The following HERC2 variants were observed in gnomAD, a reference collection of about 807,000 sequenced individuals.
HERC2 encodes HECT and RLD domain containing E3 ubiquitin protein ligase 2.
A neutral mutation model predicts 537.7 loss-of-function variants in HERC2; 102 were observed. The observed-to-expected ratio is 0.19, with a 90% CI of 0.16 to 0.22. The LOEUF (loss-of-function observed/expected upper bound fraction) is 0.22. HERC2 is among the 10% of genes least tolerant of loss of function. The probability of loss-of-function intolerance (pLI) is 1.00; values close to 1 mark genes in which losing one functional copy is unlikely to be tolerated. For synonymous variants in HERC2, 2,224 were observed against 2,466.2 expected, an observed-to-expected ratio of 0.90 and a Z score of 2.91; for missense variants, 4,236 against 6,198.2, an observed-to-expected ratio of 0.68 and a Z score of 10.63.
chr15:28,228,137 A>C, intron 35 of HERC2, 81 bp downstream of exon 35: 3 of 1,294,694 alleles, frequency 2.3e-6, no homozygotes, highest in Non-Finnish European at 3.2e-6. Context: ...TTTAAAAAAA[A>C]AAAAAAAGAA....
rs761510489 is a variant in HERC2 at position 28,214,614 on chromosome 15, C to T, written c.6358+41G>A. On this transcript the variant is annotated intron_variant, in intron 40 of 92. Transcript: ENST00000261609. ...ACCCACCTGAGTGACGGCACTGCGCCGCTCTTCACCAGGGCACAGGGAAGG... is the reference window on the plus strand; with the variant it reads ...ACCCACCTGAGTGACGGCACTGCGCTGCTCTTCACCAGGGCACAGGGAAGG... 10 of 1,608,036 alleles carry T rather than the reference C, an allele frequency of 6.2e-6. No homozygotes were observed. In the Admixed American group the frequency reaches 8.4e-5, roughly 13 times the overall value.
chr15:28,314,905 C>G (rs2077041921), intron 2 of HERC2, among the ~76,000 whole-genome samples: 1 of 151,970 alleles, frequency 6.6e-6, no homozygotes, highest in Non-Finnish European at 1.5e-5. Flanking sequence ...TGAAAATTAT[C>G]TGACATTCAA....
In HERC2 at chr15:28,263,001, G is replaced by A. The variant is rs2075455562; in HGVS notation, c.2039C>T (p.Ser680Leu). ...IALTKDGQVY[S>L]WGKGDNQRLG... ...TCTCTGGTTGTCACCTTTTCCCCAT[G>A]AATAAACTTGGCCATCTTTCGTCAA... The change falls in exon 15 of 93, where the codon TCA becomes TTA. Residue 680 changes from serine (S) to leucine (L), a missense_variant. Physicochemically the swap from Ser to Leu is moderately radical, Grantham distance 145. This residue lies in a region of HERC2 where 754 missense variants were observed against 1,085.0 expected (regional missense o/e 0.69). Transcript: ENST00000261609. 1 of 1,614,138 alleles carries A rather than the reference G, an allele frequency of 6.2e-7. No individual in the cohort carries two copies. The highest frequency in any genetic ancestry group is 1.1e-5 in the South Asian group (1 of 91,082).
intron 92 of HERC2, among the ~76,000 whole-genome samples, chr15:28,112,703 T>C (rs1399264643): frequency 1.3e-5 from 2 of 152,112 alleles, no homozygotes; most frequent in Non-Finnish European, 2.9e-5. Flanking sequence ...AGCAAAACCC[T>C]TGTTCTCAAT....
intron 71 of HERC2, 43 bp downstream of exon 71, chr15:28,146,194 C>A: frequency 7.6e-7 from 1 of 1,318,188 alleles, no homozygotes; most frequent in Non-Finnish European, 1.1e-6. Context: ...TCTACGGAGA[C>A]ACAGGTGGGT....
At chr15:28,120,295 G>A (rs1330648379) in intron 86 of HERC2, among the ~76,000 whole-genome samples, 2 of 152,232 alleles carry the variant, frequency 1.3e-5, no homozygotes, top group African/African-American at 4.8e-5. Flanking sequence ...AAGGACAAGA[G>A]TTTCGTGTCT....
At position 28,117,127 on chromosome 15, in the gene HERC2, G is replaced by A; in HGVS notation, c.13300C>T (p.Leu4434=). ...GACTTGGTGCCGTCGGGGCCGGCCA[G>A]CCCGCCTTTGCTCCTTGATCGTTTG... ...QVKRSRSKGG[L]AGPDGTKSVF... is the part of the protein sequence containing the mutation. Residue 4434 remains leucine (L), a synonymous_variant, in exon 87 of 93, where the codon CTG becomes TTG. Transcript: ENST00000261609. 1.2e-6 allele frequency: 2 copies of A among 1,614,002 alleles called. No individual in the cohort carries two copies. Among genetic ancestry groups the A allele is most frequent in the Non-Finnish European group, 1.7e-6 (2 of 1,180,000 alleles).
intron 79 of HERC2, 114 bp from the exon 80 acceptor site, chr15:28,132,944 C>A: frequency 1.1e-6 from 1 of 882,814 alleles, no homozygotes; most frequent in South Asian, 2.6e-5. Flanking sequence ...TTAAATCAAT[C>A]AAGAAGAATC....
intron 19 of HERC2, 21 bp downstream of exon 19, chr15:28,255,851 C>T (rs767352774): frequency 2.4e-5 from 38 of 1,596,054 alleles, no homozygotes; most frequent in South Asian, 2.2e-4. Flanking sequence ...CACCAGGTCA[C>T]GTGTGCCTCC....
Position 28,320,664 on chromosome 15 carries a change from A to C in HERC2, c.72+698T>G, listed in dbSNP as rs1271713945. Among the ~76,000 whole-genome samples, 4 of 151,974 alleles carry C rather than the reference A, an allele frequency of 2.6e-5. No homozygotes were observed. The East Asian group carries it at 5.8e-4, about 22-fold the overall frequency. On this transcript the variant is annotated intron_variant, in intron 2 of 92. Coordinates refer to ENST00000261609, the MANE Select transcript of HERC2 (RefSeq NM_004667.6). ...TTTCAAACACTTCTTTTTGCTGCTG[A>C]TAAGGAGTTCCAAAAGTAGTTTTTC...
intron 21 of HERC2, among the ~76,000 whole-genome samples, chr15:28,247,961 C>T (rs1192387453): frequency 1.3e-5 from 2 of 152,198 alleles, no homozygotes; most frequent in African/African-American, 2.4e-5. Context: ...GAGGGCCAGC[C>T]GCTGCCCTGG....
intron 15 of HERC2, among the ~76,000 whole-genome samples, chr15:28,261,940 A>C (rs189071048): frequency 6.6e-6 from 1 of 152,274 alleles, no homozygotes; most frequent in African/African-American, 2.4e-5. Flanking sequence ...GGACCCAACG[A>C]ACTACAGCCC....
intron 55 of HERC2, 26 bp downstream of exon 55, chr15:28,190,939 A>G (rs996402408): frequency 6.8e-6 from 10 of 1,481,316 alleles, no homozygotes; most frequent in East Asian, 2.3e-5. Flanking sequence ...AAATCATCCA[A>G]ATGGAACACT....
At chr15:28,254,566 T>C in intron 19 of HERC2, 48 bp from the exon 20 acceptor site, 1 of 1,348,584 alleles carries the variant, frequency 7.4e-7, no homozygotes, top group Non-Finnish European at 1.0e-6. Context: ...CATTACCAGG[T>C]GTGAAGACAC....
intron 2 of HERC2, among the ~76,000 whole-genome samples, chr15:28,305,781 T>C (rs1339834587): frequency 6.8e-6 from 1 of 145,994 alleles, no homozygotes; most frequent in Non-Finnish European, 1.5e-5. Flanking sequence ...CCTACTCATC[T>C]GACAAAGGGC....
chr15:28,288,559 A>G (rs1402057906), intron 4 of HERC2, among the ~76,000 whole-genome samples: 1,118 of 144,884 alleles, frequency 7.7e-3, no homozygotes, highest in African/African-American at 0.028. Flanking sequence ...AAAAGAGGCC[A>G]GGTGTGGTGG....
chr15:28,311,339 C>T (rs1382260354), intron 2 of HERC2, among the ~76,000 whole-genome samples: 2 of 152,268 alleles, frequency 1.3e-5, no homozygotes, highest in South Asian at 2.1e-4. Flanking sequence ...GTGGTACGCA[C>T]CTGTAGTCCC....
chr15:28,263,072 G>C lies in HERC2; in HGVS notation c.1968C>G (p.Asp656Glu). Residue 656 changes from aspartate to glutamate, a missense_variant, in exon 15 of 93, where the codon GAC becomes GAG. Asp to Glu is a conservative substitution (Grantham distance 45). Transcript: ENST00000261609. ...KTPKLIEKLQ[D>E]LDVVKVRCGS... ...CACAGCGGACTTTGACCACATCCAA[G>C]TCTTGAAGCTTTTCAATCAGCTTTG... is the stretch of plus-strand genomic sequence containing the variant. 6.2e-7 allele frequency: 1 copy of C among 1,614,174 alleles called. No homozygotes were observed. Among genetic ancestry groups the C allele is most frequent in the Non-Finnish European group, 8.5e-7 (1 of 1,180,032 alleles).
Position 28,256,007 on chromosome 15 carries a change from A to C in HERC2, c.2747-11T>G. 1 of 1,605,724 alleles carries C rather than the reference A, an allele frequency of 6.2e-7. No individual in the cohort carries two copies. On this transcript the variant is annotated splice_polypyrimidine_tract_variant and intron_variant, in intron 18 of 92. Coordinates refer to ENST00000261609, the MANE Select transcript of HERC2 (RefSeq NM_004667.6). ...CTTCATTGCCTGAAACTGAAATAGAAAGTGTGTGCCAATTTGAGTGAAACG... is the reference window on the plus strand; with the variant it reads ...CTTCATTGCCTGAAACTGAAATAGACAGTGTGTGCCAATTTGAGTGAAACG...
Sources: gnomAD v4.1 joint callset for allele counts (sites outside exome capture counted in the v4.1 genomes callset) on GRCh38, gnomAD v4.1.1 for gene constraint, gnomAD v4.1.1 regional missense constraint, MANE v1.5 for transcripts, NCBI Gene and HGNC (gene_info 2026-07-23, HGNC 2026-07-21) for gene names.